The following RNF111 variants were observed in gnomAD, a reference collection of about 807,000 sequenced individuals.
The protein encoded by RNF111 is E3 ubiquitin-protein ligase Arkadia.
A neutral mutation model predicts 95.1 loss-of-function variants in RNF111; 17 were observed. The ratio of observed to expected loss-of-function variants is 0.18; its 90% CI spans 0.12 to 0.27. The LOEUF (loss-of-function observed/expected upper bound fraction) is 0.27. RNF111 is among the 10% of genes least tolerant of loss of function. The pLI is 1.00. For missense variants in RNF111, 1,189 were observed against 1,210.4 expected (o/e 0.98, Z 0.26); for synonymous variants, 440 against 414.8 (o/e 1.06, Z -0.74).
At chr15:58,995,917 T>C (rs1295138245) in intron 1 of RNF111, among the ~76,000 whole-genome samples, 4 of 152,098 alleles carry the variant, frequency 2.6e-5, no homozygotes, top group African/African-American at 9.7e-5. Flanking sequence ...CAATTTGCTG[T>C]TGTGTTATTT....
At chr15:59,059,032 C>G (rs2042321407) in intron 5 of RNF111, among the ~76,000 whole-genome samples, 7 of 152,074 alleles carry the variant, frequency 4.6e-5, no homozygotes, top group Admixed American at 4.6e-4. Context: ...AATTCCAGTA[C>G]TTTGAGGGGT....
At chr15:59,043,730 C>G (rs1303110662) in intron 2 of RNF111, among the ~76,000 whole-genome samples, 1 of 152,140 alleles carries the variant, frequency 6.6e-6, no homozygotes, top group Non-Finnish European at 1.5e-5. Context: ...GAGTCATTTG[C>G]TTATACCTTC....
intron 7 of RNF111, among the ~76,000 whole-genome samples, chr15:59,078,239 A>G (rs1384536180): frequency 1.3e-5 from 2 of 152,224 alleles, no homozygotes; most frequent in Non-Finnish European, 2.9e-5. Flanking sequence ...GTACATTTAT[A>G]TGTATAACAA....
chr15:58,992,392 T>G (rs921837646), intron 1 of RNF111, among the ~76,000 whole-genome samples: 14 of 152,148 alleles, frequency 9.2e-5, no homozygotes, highest in South Asian at 4.1e-4. Context: ...AAAAATGTGG[T>G]GGAGGGAGAT....
At chr15:59,092,461 A>C (rs2079079856) in intron 12 of RNF111, 76 bp from the exon 13 acceptor site, 1 of 1,458,134 alleles carries the variant, frequency 6.9e-7, no homozygotes, top group Non-Finnish European at 9.1e-7. Context: ...TTGTTTTTCA[A>C]ATAAACACAG....
chr15:59,076,272 A>G (rs967025493), intron 7 of RNF111, 57 bp downstream of exon 7: 59 of 1,557,306 alleles, frequency 3.8e-5, no homozygotes, highest in Non-Finnish European at 4.9e-5. Flanking sequence ...AGCATTTTGT[A>G]CTTCCTTATG....
intron 2 of RNF111, among the ~76,000 whole-genome samples, chr15:59,048,278 A>C (rs190240776): frequency 6.6e-6 from 1 of 152,362 alleles, no homozygotes; most frequent in African/African-American, 2.4e-5. Flanking sequence ...GCAATAAAAA[A>C]AGTATGAATA....
chr15:58,999,023 TA>T (rs879374610), intron 1 of RNF111, among the ~76,000 whole-genome samples: 1 of 152,192 alleles, frequency 6.6e-6, no homozygotes, highest in Non-Finnish European at 1.5e-5. Context: ...ACATTGCAAT[TA>T]AGTTCAAACT....
chr15:59,096,311 T>C lies in RNF111; in HGVS notation c.*1411T>C, dbSNP rs1355587732. 1.6e-5 allele frequency: 6 copies of C among 367,196 alleles called. No individual in the cohort carries two copies. Among genetic ancestry groups the C allele is most frequent in the Non-Finnish European group, 2.9e-5 (6 of 206,700 alleles). 22.7% of individuals were successfully genotyped at this position (367,196 alleles called of 1,614,324 possible). A position where few individuals can be genotyped will look rare whatever the true frequency, so the allele number is the denominator to read the frequency against. ...TTGCAAATGCATCCAGTCAGTAATA[T>C]CACTGTCTGTATGTGGAGGACATGT... On this transcript the variant is annotated 3_prime_UTR_variant, in exon 14 of 14. Coordinates refer to ENST00000348370, the MANE Select transcript of RNF111 (RefSeq NM_017610.8).
chr15:59,007,290 G>A (rs1429652997), intron 1 of RNF111, among the ~76,000 whole-genome samples: 1 of 149,620 alleles, frequency 6.7e-6, no homozygotes, highest in East Asian at 1.9e-4. Flanking sequence ...TTTTACTTTA[G>A]GTTAGCTTTG....
chr15:59,058,862 C>A (rs1375573760), intron 5 of RNF111, among the ~76,000 whole-genome samples: 6 of 152,086 alleles, frequency 3.9e-5, no homozygotes, highest in Non-Finnish European at 8.8e-5. Context: ...TTAGAACTTT[C>A]GTGCATTAAA....
intron 1 of RNF111, among the ~76,000 whole-genome samples, chr15:58,996,678 T>C (rs1324942409): frequency 2.1e-5 from 2 of 97,402 alleles, no homozygotes; most frequent in East Asian, 3.1e-4. Context: ...TTTTTTTTTT[T>C]ACCCAGGCAG....
At chr15:59,012,743 CTTTTTTTTTT>C (rs71119428) in intron 1 of RNF111, among the ~76,000 whole-genome samples, 1 of 142,864 alleles carries the variant, frequency 7.0e-6, no homozygotes, top group Non-Finnish European at 1.5e-5. Flanking sequence ...CTCTTTTTTT[CTTTTTTTTTT>C]TTTGAGACAG....
intron 8 of RNF111, among the ~76,000 whole-genome samples, chr15:59,081,860 C>T (rs2078754313): frequency 6.6e-6 from 1 of 152,134 alleles, no homozygotes; most frequent in Non-Finnish European, 1.5e-5. Flanking sequence ...GACCTCGTCT[C>T]CACCAAAAAA....
At chr15:59,077,001 C>T (rs184260033) in intron 7 of RNF111, among the ~76,000 whole-genome samples, 7 of 152,284 alleles carry the variant, frequency 4.6e-5, no homozygotes, top group East Asian at 1.9e-4. Context: ...AAATCTGCAT[C>T]GTGCAGACGC....
At chr15:59,042,725 A>T (rs1286991559) in intron 2 of RNF111, among the ~76,000 whole-genome samples, 1 of 152,188 alleles carries the variant, frequency 6.6e-6, no homozygotes, top group Non-Finnish European at 1.5e-5. Context: ...GTCACATGTT[A>T]AATTTTCCAC....
intron 1 of RNF111, among the ~76,000 whole-genome samples, chr15:58,993,508 A>C (rs1279745155): frequency 1.3e-5 from 2 of 152,250 alleles, no homozygotes; most frequent in Non-Finnish European, 2.9e-5. Flanking sequence ...ACTGCACTCC[A>C]ACCTGAGTAA....
intron 1 of RNF111, among the ~76,000 whole-genome samples, chr15:59,020,757 A>C (rs985105344): frequency 6.6e-6 from 1 of 152,138 alleles, no homozygotes; most frequent in Non-Finnish European, 1.5e-5. Flanking sequence ...GGGGGCTGAA[A>C]CATCCAGCTA....
chr15:59,080,360 A>ACT (rs1371826024), intron 7 of RNF111, among the ~76,000 whole-genome samples: 2 of 151,822 alleles, frequency 1.3e-5, no homozygotes, highest in Non-Finnish European at 2.9e-5. Context: ...GCTTCAGGTG[A>ACT]CTCTGCCCAC....
Sources: gnomAD v4.1 joint callset for allele counts (sites outside exome capture counted in the v4.1 genomes callset) on GRCh38, gnomAD v4.1.1 for gene constraint, MANE v1.5 for transcripts, NCBI Gene and HGNC (gene_info 2026-07-23, HGNC 2026-07-21) for gene names.